DCAF5: variants seen among roughly 807,000 people sequenced by gnomAD.
The protein encoded by DCAF5 is DDB1- and CUL4-associated factor 5.
A neutral mutation model predicts 80.7 loss-of-function variants in DCAF5; 9 were observed. That is an observed-to-expected ratio of 0.11 (90% CI 0.07 to 0.19). The LOEUF (loss-of-function observed/expected upper bound fraction) is 0.19. Ranked by LOEUF, DCAF5 falls within the 10% of genes least tolerant of loss-of-function variation. DCAF5 has a pLI of 1.00. For missense variants in DCAF5, 842 were observed against 1,205.7 expected (o/e 0.70, Z 4.47); for synonymous variants, 433 against 461.9 (o/e 0.94, Z 0.80).
intron 5 of DCAF5, among the ~76,000 whole-genome samples, chr14:69,107,902 T>C (rs1427404169): frequency 2.0e-5 from 3 of 152,232 alleles, no homozygotes; most frequent in Non-Finnish European, 4.4e-5. Flanking sequence ...TGCTAGGCAC[T>C]AGAGATTAAA....
At chr14:69,075,644 G>C (rs181288784) in intron 6 of DCAF5, among the ~76,000 whole-genome samples, 362 of 152,174 alleles carry the variant, frequency 2.4e-3, no homozygotes, top group Non-Finnish European at 4.0e-3. Context: ...ACCACGCCCA[G>C]CTAATTTTTT....
chr14:69,054,791 G>A lies in DCAF5; in HGVS notation c.1895C>T (p.Ser632Phe). ...VDDLSSSPTS[S>F]PERSTSTLEI... ...TAGCGTGGAAGTGCTCCGCTCAGGG[G>A]ACGAGGTTGGGGAGGAGGAGAGGTC... Residue 632 changes from serine (S) to phenylalanine (F), a missense_variant, in exon 9 of 9, where the codon TCC becomes TTC. Around this residue, in one of 5 missense-constraint regions of DCAF5, gnomAD observed 607 missense variants for 656.6 expected, o/e 0.92. Coordinates refer to ENST00000341516, the MANE Select transcript of DCAF5 (RefSeq NM_003861.3). The A allele has an allele frequency of 1.2e-6, 2 of 1,614,254 alleles. No homozygotes were observed. Among genetic ancestry groups the A allele is most frequent in the East Asian group, 2.2e-5 (1 of 44,890 alleles).
At chr14:69,067,996 G>A (rs1280104189) in intron 7 of DCAF5, among the ~76,000 whole-genome samples, 3 of 152,112 alleles carry the variant, frequency 2.0e-5, no homozygotes, top group Non-Finnish European at 4.4e-5. Context: ...GAAATAAAGG[G>A]GCTGAAATCC....
intron 7 of DCAF5, among the ~76,000 whole-genome samples, chr14:69,072,934 C>A (rs1407568804): frequency 6.6e-6 from 1 of 152,190 alleles, no homozygotes; most frequent in Non-Finnish European, 1.5e-5. Context: ...GATGGGGATG[C>A]AGAACCAACC....
At chr14:69,060,867 G>A (rs1037557403) in intron 8 of DCAF5, among the ~76,000 whole-genome samples, 6 of 152,014 alleles carry the variant, frequency 3.9e-5, no homozygotes, top group African/African-American at 1.4e-4. Flanking sequence ...CCCCTGCCAT[G>A]AAGTACAATT....
At chr14:69,149,277 G>C (rs1238119208) in intron 1 of DCAF5, among the ~76,000 whole-genome samples, 1 of 152,186 alleles carries the variant, frequency 6.6e-6, no homozygotes, top group Non-Finnish European at 1.5e-5. Flanking sequence ...CCACATATCT[G>C]CTATACCACA....
chr14:69,113,472 C>T (rs760717874), intron 5 of DCAF5, among the ~76,000 whole-genome samples: 9 of 151,962 alleles, frequency 5.9e-5, no homozygotes, highest in Non-Finnish European at 4.4e-5. Context: ...ATACACAAGC[C>T]ATACAATTTT....
intron 5 of DCAF5, among the ~76,000 whole-genome samples, chr14:69,109,431 A>G (rs1252678357): frequency 6.6e-6 from 1 of 152,154 alleles, no homozygotes; most frequent in Non-Finnish European, 1.5e-5. Flanking sequence ...TACAACCATG[A>G]AATTGCCACC....
At chr14:69,101,949 CTCTGGGTGAG>C (rs2039966439) in intron 5 of DCAF5, among the ~76,000 whole-genome samples, 1 of 152,110 alleles carries the variant, frequency 6.6e-6, no homozygotes, top group African/African-American at 2.4e-5. Context: ...CTGGAAGTTG[CTCTGGGTGAG>C]TCTGTGAGTG....
intron 5 of DCAF5, among the ~76,000 whole-genome samples, chr14:69,105,914 C>CATTCATAT (rs1555374844): frequency 4.0e-5 from 2 of 49,970 alleles, no homozygotes; most frequent in African/African-American, 4.0e-5. Context: ...AATAAACTGT[C>CATTCATAT]ATATATATAT....
intron 6 of DCAF5, among the ~76,000 whole-genome samples, chr14:69,086,908 G>A (rs150918680): frequency 3.9e-5 from 6 of 152,296 alleles, no homozygotes; most frequent in African/African-American, 1.4e-4. Flanking sequence ...AGAGATCTCA[G>A]TGCTCAGGTA....
At chr14:69,132,055 T>TG (rs1343123425) in intron 1 of DCAF5, among the ~76,000 whole-genome samples, 10 of 152,208 alleles carry the variant, frequency 6.6e-5, no homozygotes, top group Non-Finnish European at 1.5e-4. Context: ...GATGGACCCT[T>TG]GGGTTGCTTC....
At chr14:69,102,542 CTTTT>C (rs529729141) in intron 5 of DCAF5, among the ~76,000 whole-genome samples, 15 of 129,696 alleles carry the variant, frequency 1.2e-4, no homozygotes, top group East Asian at 4.7e-4. Flanking sequence ...TATCCTTATT[CTTTT>C]TTTTTTTTTT....
At chr14:69,105,550 G>A (rs1444304818) in intron 5 of DCAF5, among the ~76,000 whole-genome samples, 1 of 152,088 alleles carries the variant, frequency 6.6e-6, no homozygotes, top group Non-Finnish European at 1.5e-5. Flanking sequence ...AACATGACCC[G>A]CCTTTAATGT....
chr14:69,092,017 T>C lies in DCAF5; in HGVS notation c.666-130A>G, dbSNP rs1371311581. On this transcript the variant is annotated intron_variant, in intron 5 of 8. Transcript: ENST00000341516. ...TCAGCAAAAGGATATTTCTGTGCAG[T>C]GGCTAGAATAATGAGGGTAGCAACG... The C allele has an allele frequency of 5.5e-6, 4 of 727,666 alleles. No individual in the cohort carries two copies. In the East Asian group the frequency reaches 1.1e-4, roughly 20 times the overall value. The allele number at this position is 727,666 out of a possible 1,614,324, so 45.1% of individuals were successfully genotyped here.
chr14:69,055,109 G>A lies in DCAF5; in HGVS notation c.1577C>T (p.Ala526Val). The A allele has an allele frequency of 1.2e-6, 2 of 1,614,204 alleles. No homozygotes were observed. The highest frequency in any genetic ancestry group is 1.7e-6 in the Non-Finnish European group (2 of 1,180,028). Reference protein sequence around the residue: ...LRRYQDKRLLALSNESDSEEN... With the variant: ...LRRYQDKRLLVLSNESDSEEN... Reference sequence around the variant, plus strand: ...CTCAGAATCGGACTCATTGGAAAGGGCCAGGAGGCGTTTGTCTTGGTAGCG... The same window carrying A: ...CTCAGAATCGGACTCATTGGAAAGGACCAGGAGGCGTTTGTCTTGGTAGCG... Residue 526 changes from alanine to valine, a missense_variant, in exon 9 of 9, where the codon GCC (alanine) becomes GTC (valine). By Grantham distance (64) the Ala-to-Val change is moderately conservative (BLOSUM62 0). Around this residue, in one of 5 missense-constraint regions of DCAF5, gnomAD observed 607 missense variants for 656.6 expected, o/e 0.92. Coordinates refer to ENST00000341516, the MANE Select transcript of DCAF5 (RefSeq NM_003861.3). This position sits in a 1 kb window ranked among gnomAD's most constrained non-coding sequence, Gnocchi z 5.6.
intron 1 of DCAF5, among the ~76,000 whole-genome samples, chr14:69,134,332 G>A (rs1440345630): frequency 6.6e-6 from 1 of 152,152 alleles, no homozygotes; most frequent in African/African-American, 2.4e-5. Context: ...TAAAACCCGT[G>A]ACTTAGACTT....
rs953085486 is a variant in DCAF5, at chr14:69,105,889, G to T, written c.665+10477C>A. On this transcript the variant is annotated intron_variant, in intron 5 of 8. Transcript: ENST00000341516. ...CTATCATTCACCTTTGTAATGGTAT[G>T]AGCCAATTTTCCCTAATAAACTGTC... Among the ~76,000 whole-genome samples the T allele has an allele frequency of 5.0e-5, 5 of 99,040 alleles. No individual in the cohort carries two copies. In the Admixed American group the frequency reaches 6.9e-4, roughly 14 times the overall value. 65.0% of individuals were successfully genotyped at this position (99,040 alleles called of 152,430 possible). A position where few individuals can be genotyped will look rare whatever the true frequency, so the allele number is the denominator to read the frequency against.
Position 69,105,943 on chromosome 14 carries a change from A to ATATATATATATATATATATATATATC in DCAF5, c.665+10422_665+10423insGATATATATATATATATATATATATA, listed in dbSNP as rs1223858774. 6.7e-5 allele frequency among the ~76,000 whole-genome samples: 5 copies of ATATATATATATATATATATATATATC among 74,202 alleles called. No individual in the cohort carries two copies. The East Asian group carries it at 8.5e-4, about 13-fold the overall frequency. The allele number at this position is 74,202 out of a possible 152,430, so 48.7% of individuals were successfully genotyped here. A position where few individuals can be genotyped will look rare whatever the true frequency, so the allele number is the denominator to read the frequency against. ...TATATATATATATATATATATATAT[A>ATATATATATATATATATATATATATC]TATCTCCTATTGGTTCTGTTCCTCT... On this transcript the variant is annotated intron_variant, in intron 5 of 8. Transcript: ENST00000341516.
Sources: allele counts gnomAD v4.1 joint callset (sites outside exome capture counted in the v4.1 genomes callset), GRCh38; gene constraint gnomAD v4.1.1; regional missense constraint gnomAD v4.1.1; non-coding constraint Gnocchi (gnomAD v3.1); transcripts MANE v1.5; gene names NCBI Gene and HGNC (gene_info 2026-07-23, HGNC 2026-07-21).